PCDH9: variants seen among roughly 807,000 people sequenced by gnomAD.
The protein encoded by PCDH9 is protocadherin 9, also known as protocadherin-9.
PCDH9 carries 24 observed loss-of-function variants against 70.6 expected under a neutral mutation model. That is an observed-to-expected ratio of 0.34 (90% CI 0.25 to 0.48). The LOEUF is 0.48. Among genes scored for constraint, PCDH9 ranks in the 20% least tolerant of loss-of-function variants. The probability of loss-of-function intolerance (pLI) is 0.99; values close to 1 mark genes in which losing one functional copy is unlikely to be tolerated. For synonymous variants in PCDH9, 562 were observed against 558.5 expected, an observed-to-expected ratio of 1.01 and a Z score of -0.09; for missense variants, 1,281 against 1,503.6, an observed-to-expected ratio of 0.85 and a Z score of 2.45.
intron 4 of PCDH9, among the ~76,000 whole-genome samples, chr13:66,383,639 C>T (rs994520674): frequency 1.3e-5 from 2 of 152,094 alleles, no homozygotes; most frequent in African/African-American, 4.8e-5. Context: ...CATTGATGAG[C>T]TAAAATCAGT....
intron 2 of PCDH9, among the ~76,000 whole-genome samples, chr13:67,017,513 C>G (rs1250654352): frequency 6.6e-6 from 1 of 152,120 alleles, no homozygotes; most frequent in African/African-American, 2.4e-5. Flanking sequence ...GTGGTACCCA[C>G]CTGTTACTGT....
intron 4 of PCDH9, among the ~76,000 whole-genome samples, chr13:66,475,851 T>C (rs1319438083): frequency 6.6e-6 from 1 of 152,102 alleles, no homozygotes; most frequent in Non-Finnish European, 1.5e-5. Context: ...CCACATTGCC[T>C]TTCACCATAT....
At chr13:66,637,579 G>A (rs1012477411) in intron 3 of PCDH9, among the ~76,000 whole-genome samples, 54 of 152,158 alleles carry the variant, frequency 3.5e-4, no homozygotes, top group Admixed American at 3.5e-3. Context: ...CTCCACTAAT[G>A]TAGAAATCAC....
At chr13:66,342,589 C>A (rs1340061945) in intron 4 of PCDH9, among the ~76,000 whole-genome samples, 3 of 151,894 alleles carry the variant, frequency 2.0e-5, no homozygotes, top group African/African-American at 7.3e-5. Context: ...GGATGCAAAC[C>A]CTTTCAGTCT....
chr13:66,815,635 G>A (rs1314395221), intron 3 of PCDH9, among the ~76,000 whole-genome samples: 1 of 152,076 alleles, frequency 6.6e-6, no homozygotes, highest in Non-Finnish European at 1.5e-5. Flanking sequence ...CTGTAGGCCA[G>A]TATCCTAAGT....
chr13:67,006,023 G>A (rs1480253810), intron 2 of PCDH9, among the ~76,000 whole-genome samples: 2 of 152,178 alleles, frequency 1.3e-5, no homozygotes, highest in African/African-American at 2.4e-5. Flanking sequence ...TCAGGAGACT[G>A]AGACCATCCT....
chr13:66,647,507 T>C (rs2077787976), intron 3 of PCDH9, among the ~76,000 whole-genome samples: 2 of 152,290 alleles, frequency 1.3e-5, no homozygotes, highest in Non-Finnish European at 2.9e-5. Flanking sequence ...AATCACCTGC[T>C]GACTAAAGAG....
At chr13:66,500,767 T>C (rs1206509473) in intron 4 of PCDH9, among the ~76,000 whole-genome samples, 1 of 152,158 alleles carries the variant, frequency 6.6e-6, no homozygotes, top group Non-Finnish European at 1.5e-5. Flanking sequence ...ACTGTTTCTA[T>C]TTTATTTCTA....
In PCDH9 at chr13:67,042,255, G is replaced by A. The variant is rs190083906; in HGVS notation, c.3037-138650C>T. On this transcript the variant is annotated intron_variant, in intron 2 of 4. Coordinates refer to ENST00000377865, the MANE Select transcript of PCDH9 (RefSeq NM_203487.3). Reference sequence around the variant, plus strand: ...CATACTGCTATAAAGAACTGCCCGAGACTGGGTAATTTATAAAGGAAAGAT... The same window carrying A: ...CATACTGCTATAAAGAACTGCCCGAAACTGGGTAATTTATAAAGGAAAGAT... Among the ~76,000 whole-genome samples, 34 of 152,250 alleles carry A rather than the reference G, an allele frequency of 2.2e-4. 1 individual carries two copies. The East Asian group carries it at 6.6e-3, about 29-fold the overall frequency.
At chr13:67,047,461 T>C (rs1039089293) in intron 2 of PCDH9, among the ~76,000 whole-genome samples, 2 of 152,202 alleles carry the variant, frequency 1.3e-5, no homozygotes, top group African/African-American at 4.8e-5. Flanking sequence ...TGATGCAAAC[T>C]ATATAGTTAC....
chr13:66,725,715 T>C (rs1231372531), intron 3 of PCDH9, among the ~76,000 whole-genome samples: 1 of 152,124 alleles, frequency 6.6e-6, no homozygotes, highest in African/African-American at 2.4e-5. Flanking sequence ...GAACCAGTAA[T>C]GAATGGGGTT....
intron 2 of PCDH9, among the ~76,000 whole-genome samples, chr13:66,995,111 A>G (rs1379007623): frequency 6.6e-6 from 1 of 152,226 alleles, no homozygotes; most frequent in African/African-American, 2.4e-5. Context: ...CGGAAGGGTA[A>G]TGCTAAGCAT....
At chr13:66,647,523 G>A (rs1309147930) in intron 3 of PCDH9, among the ~76,000 whole-genome samples, 3 of 152,120 alleles carry the variant, frequency 2.0e-5, no homozygotes, top group Non-Finnish European at 2.9e-5. Context: ...AAGAGCCCTT[G>A]GGTCCTGAAT....
intron 2 of PCDH9, chr13:67,212,163 C>G (rs1053889564): frequency 1.3e-5 from 2 of 151,926 alleles, no homozygotes; most frequent in African/African-American, 4.8e-5. Context: ...AAGTACATTT[C>G]CCTCCAAATT....
intron 3 of PCDH9, among the ~76,000 whole-genome samples, chr13:66,735,685 C>T (rs1037586422): frequency 3.3e-5 from 5 of 152,018 alleles, no homozygotes; most frequent in Admixed American, 3.3e-4. Context: ...AAGATTAGGC[C>T]GGGCACAGTG....
chr13:66,610,246 AAG>A (rs755296613), intron 4 of PCDH9, among the ~76,000 whole-genome samples: 28 of 152,000 alleles, frequency 1.8e-4, no homozygotes, highest in Non-Finnish European at 3.1e-4. Flanking sequence ...AGGGGGAAAA[AAG>A]AGAGAGAGCA....
chr13:66,971,424 C>T (rs1214484460), intron 2 of PCDH9, among the ~76,000 whole-genome samples: 1 of 151,958 alleles, frequency 6.6e-6, no homozygotes, highest in Non-Finnish European at 1.5e-5. Context: ...TCGCATTTTC[C>T]TGTCTTCTCA....
chr13:66,603,455 G>A (rs535347295), intron 4 of PCDH9, among the ~76,000 whole-genome samples: 1 of 151,974 alleles, frequency 6.6e-6, no homozygotes, highest in African/African-American at 2.4e-5. Flanking sequence ...CATGTACAAA[G>A]TATAGTGATA....
chr13:66,531,108 C>T (rs1447198724), intron 4 of PCDH9, among the ~76,000 whole-genome samples: 4 of 53,058 alleles, frequency 7.5e-5, no homozygotes, highest in Non-Finnish European at 1.6e-4. Flanking sequence ...AAAAAAAATC[C>T]ATTTTTTTTT....
Sources: allele counts gnomAD v4.1 joint callset (sites outside exome capture counted in the v4.1 genomes callset), GRCh38; gene constraint gnomAD v4.1.1; transcripts MANE v1.5; gene names NCBI Gene and HGNC (gene_info 2026-07-23, HGNC 2026-07-21).